DRC4: variants seen among roughly 807,000 people sequenced by gnomAD.
DRC4 encodes the protein dynein regulatory complex subunit 4, also known as GAS-11.
chr16:90,030,780 T>C, the DRC4 span, among the ~76,000 whole-genome samples: 1 of 152,020 alleles, frequency 6.6e-6, no homozygotes, highest in Admixed American at 6.6e-5. Context: ...TCATGCCTAG[T>C]TAATGAAAAA....
the DRC4 span, among the ~76,000 whole-genome samples, chr16:90,039,112 G>A: frequency 6.6e-6 from 1 of 152,324 alleles, no homozygotes; most frequent in Non-Finnish European, 1.5e-5. Flanking sequence ...TAAGGGAAGG[G>A]CACCTGCAAG....
At chr16:90,028,934 A>G in the DRC4 span, 1 of 1,299,522 alleles carries the variant, frequency 7.7e-7, no homozygotes, top group Non-Finnish European at 1.0e-6. Context: ...TTTATTTTAC[A>G]TGCAGGCAAA....
At chr16:90,027,510 C>T in the DRC4 span, 24 of 860,514 alleles carry the variant, frequency 2.8e-5, no homozygotes, top group Non-Finnish European at 4.5e-5. Flanking sequence ...CAATGATGTG[C>T]TCCAGGTGAG....
chr16:90,042,825 T>C, the DRC4 span: 1 of 516,920 alleles, frequency 1.9e-6, no homozygotes, highest in Admixed American at 3.2e-5. Context: ...CAGAAGGTGC[T>C]GTGCCCACCG....
chr16:90,037,486 C>T, the DRC4 span: 75 of 1,442,430 alleles, frequency 5.2e-5, no homozygotes, highest in Non-Finnish European at 6.5e-5. Context: ...GGGGCTTGGC[C>T]CTTAGGGCAG....
chr16:90,025,672 A>C, the DRC4 span, among the ~76,000 whole-genome samples: 3 of 137,606 alleles, frequency 2.2e-5, no homozygotes, highest in Admixed American at 7.5e-5. Context: ...AAAAAAAAAA[A>C]AGAGAGTTCA....
At chr16:90,031,350 G>A in the DRC4 span, 4 of 1,613,622 alleles carry the variant, frequency 2.5e-6, no homozygotes, top group South Asian at 4.4e-5. Context: ...CGAGCGGGAG[G>A]AACGAAACTA....
the DRC4 span, chr16:90,042,403 C>A: frequency 7.2e-7 from 1 of 1,391,722 alleles, no homozygotes; most frequent in Non-Finnish European, 1.0e-6. Flanking sequence ...CACTGGAGTC[C>A]CCAGGCCGCT....
the DRC4 span, chr16:90,035,978 T>G: frequency 8.4e-7 from 1 of 1,195,158 alleles, no homozygotes; most frequent in Non-Finnish European, 1.1e-6. Flanking sequence ...TGGGCAGCCT[T>G]CTTAAAATAG....
At chr16:90,031,246 G>A in the DRC4 span, 1 of 1,606,770 alleles carries the variant, frequency 6.2e-7, no homozygotes, top group East Asian at 2.2e-5. Context: ...ACGCCCCGTT[G>A]CCGTGCATGG....
chr16:90,026,685 C>A, the DRC4 span, among the ~76,000 whole-genome samples: 7 of 151,636 alleles, frequency 4.6e-5, no homozygotes, highest in South Asian at 1.5e-3. Flanking sequence ...ATGGGTTCCC[C>A]CCTCTCTTAG....
the DRC4 span, among the ~76,000 whole-genome samples, chr16:90,041,944 G>A: frequency 7.9e-5 from 12 of 152,178 alleles, no homozygotes; most frequent in South Asian, 2.5e-3. Context: ...ACTGCTCTTT[G>A]AGTTTTTTCT....
chr16:90,044,352 T>C, the DRC4 span: 19 of 408,524 alleles, frequency 4.7e-5, no homozygotes, highest in South Asian at 1.2e-4. Context: ...CACCTTTCTT[T>C]TGGGAGCTCA....
the DRC4 span, chr16:90,036,006 G>C: frequency 2.0e-6 from 2 of 995,170 alleles, no homozygotes; most frequent in Non-Finnish European, 2.8e-6. Context: ...CATGGCTCCT[G>C]GTCTGAGAAG....
At chr16:90,028,750 C>T in the DRC4 span, among the ~76,000 whole-genome samples, 1 of 152,206 alleles carries the variant, frequency 6.6e-6, no homozygotes, top group East Asian at 1.9e-4. Flanking sequence ...GGACGACTGC[C>T]TGTGAGCACC....
chr16:90,044,581 G>T, the DRC4 span: 1 of 471,132 alleles, frequency 2.1e-6, no homozygotes, highest in Non-Finnish European at 4.4e-6. Flanking sequence ...GTAGGTGCCT[G>T]CCTTCATCTG....
the DRC4 span, chr16:90,036,882 G>A: frequency 1.7e-6 from 1 of 579,348 alleles, no homozygotes; most frequent in South Asian, 1.9e-5. Context: ...GGGCCGTGAT[G>A]TGGCTGGAGT....
At chr16:90,030,785 GA>G in the DRC4 span, among the ~76,000 whole-genome samples, 525 of 152,034 alleles carry the variant, frequency 3.5e-3, 1 homozygote, top group African/African-American at 0.012. Context: ...CCTAGTTAAT[GA>G]AAAAAAGTTT....
the DRC4 span, chr16:90,042,958 TG>T: frequency 1.8e-6 from 1 of 547,064 alleles, no homozygotes; most frequent in Non-Finnish European, 3.3e-6. Flanking sequence ...CCCTGCCCTC[TG>T]CCTCCGTCTC....
Sources: gnomAD v4.1 joint callset for allele counts (sites outside exome capture counted in the v4.1 genomes callset) on GRCh38, gnomAD v4.1.1 for gene constraint, MANE v1.5 for transcripts, NCBI Gene and HGNC (gene_info 2026-07-23, HGNC 2026-07-21) for gene names.